CTNNA1: variants seen among roughly 807,000 people sequenced by gnomAD.
The protein encoded by CTNNA1 is catenin alpha-1.
Under a neutral mutation model 98.4 loss-of-function variants are expected in CTNNA1, and 37 were observed. The ratio of observed to expected loss-of-function variants is 0.38; its 90% CI spans 0.29 to 0.49. CTNNA1 has a LOEUF of 0.49. Among genes scored for constraint, CTNNA1 ranks in the 20% least tolerant of loss-of-function variants. CTNNA1 has a pLI of 0.95. For missense variants in CTNNA1, 761 were observed against 1,147.2 expected (o/e 0.66, Z 4.86); for synonymous variants, 404 against 413.2 (o/e 0.98, Z 0.27).
intron 9 of CTNNA1, among the ~76,000 whole-genome samples, chr5:138,896,574 C>A (rs985909612): frequency 6.6e-6 from 1 of 152,132 alleles, no homozygotes; most frequent in African/African-American, 2.4e-5. Flanking sequence ...TGTTGTTTAT[C>A]CTCAAGGCCA....
intron 3 of CTNNA1, among the ~76,000 whole-genome samples, chr5:138,796,439 G>T (rs985907759): frequency 6.6e-6 from 1 of 152,106 alleles, no homozygotes; most frequent in South Asian, 2.1e-4. Flanking sequence ...AGCTACTGGG[G>T]AGGCTAAGGC....
chr5:138,835,969 C>G (rs939436453), intron 7 of CTNNA1, among the ~76,000 whole-genome samples: 31 of 152,150 alleles, frequency 2.0e-4, no homozygotes, highest in African/African-American at 7.5e-4. Context: ...CTCCAGCCTC[C>G]CAAACATAAT....
intron 5 of CTNNA1, among the ~76,000 whole-genome samples, chr5:138,817,036 T>C (rs995607702): frequency 6.6e-6 from 1 of 152,210 alleles, no homozygotes; most frequent in Non-Finnish European, 1.5e-5. Flanking sequence ...TATTTGAGTT[T>C]TTGCTGTTGA....
intron 8 of CTNNA1, 98 bp downstream of exon 8, chr5:138,886,390 GAGAA>G: frequency 7.9e-7 from 1 of 1,266,422 alleles, no homozygotes. Context: ...TTTTTATTGA[GAGAA>G]AGGATGGATT....
chr5:138,885,090 C>A (rs1753749229), intron 7 of CTNNA1, among the ~76,000 whole-genome samples: 1 of 152,152 alleles, frequency 6.6e-6, no homozygotes, highest in Non-Finnish European at 1.5e-5. Context: ...CTCAATATTT[C>A]TAACAGTCCA....
intron 6 of CTNNA1, 26 bp downstream of exon 6, chr5:138,824,825 C>T (rs1760478954): frequency 1.9e-6 from 3 of 1,603,892 alleles, no homozygotes; most frequent in Non-Finnish European, 2.6e-6. Context: ...GTGGAAATTT[C>T]CAGCTCTTGA....
chr5:138,768,777 G>T (rs759185200), intron 1 of CTNNA1, among the ~76,000 whole-genome samples: 2 of 151,872 alleles, frequency 1.3e-5, no homozygotes. Context: ...CAGTGGGTCA[G>T]GTTGTTCCAC....
intron 7 of CTNNA1, among the ~76,000 whole-genome samples, chr5:138,853,943 C>G (rs1489761242): frequency 1.3e-5 from 2 of 152,150 alleles, no homozygotes; most frequent in African/African-American, 4.8e-5. Context: ...ATTCTTTTCA[C>G]ATAGACCATT....
chr5:138,812,137 C>T (rs767383317), intron 4 of CTNNA1, 46 bp from the exon 5 acceptor site: 1 of 1,579,504 alleles, frequency 6.3e-7, no homozygotes, highest in Non-Finnish European at 8.6e-7. Context: ...TCTTTACAGA[C>T]CTACATTCAG....
At chr5:138,855,640 G>T (rs1311709600) in intron 7 of CTNNA1, among the ~76,000 whole-genome samples, 1 of 152,152 alleles carries the variant, frequency 6.6e-6, no homozygotes, top group Admixed American at 6.5e-5. Flanking sequence ...AATTTTGTAC[G>T]GTGTTTGGTG....
At chr5:138,763,331 GC>G (rs1752573611) in intron 1 of CTNNA1, among the ~76,000 whole-genome samples, 1 of 152,168 alleles carries the variant, frequency 6.6e-6, no homozygotes, top group Non-Finnish European at 1.5e-5. Context: ...TCTGTTACAT[GC>G]ATTCTTTCTA....
chr5:138,896,359 G>A (rs1445675175), intron 9 of CTNNA1, among the ~76,000 whole-genome samples: 17 of 152,198 alleles, frequency 1.1e-4, no homozygotes. Flanking sequence ...ACTGTGCCCA[G>A]TTCTGGGTCC....
Position 138,934,344 on chromosome 5 carries a change from A to G in CTNNA1, c.*255A>G. 2.2e-6 allele frequency: 1 copy of G among 456,840 alleles called. No individual in the cohort carries two copies. Among genetic ancestry groups the G allele is most frequent in the Non-Finnish European group, 3.9e-6 (1 of 256,698 alleles). 28.3% of individuals were successfully genotyped at this position (456,840 alleles called of 1,614,324 possible). A position where few individuals can be genotyped will look rare whatever the true frequency, so the allele number is the denominator to read the frequency against. On this transcript the variant is annotated 3_prime_UTR_variant, in exon 18 of 18. Transcript: ENST00000302763. Reference sequence around the variant, plus strand: ...AAATAAAAATTCATAACCAAAGAGAATCCCACATTAGCTTGTTAGTAATGC... The same window carrying G: ...AAATAAAAATTCATAACCAAAGAGAGTCCCACATTAGCTTGTTAGTAATGC...
chr5:138,904,305 G>C (rs1466872114), intron 9 of CTNNA1, 44 bp from the exon 10 acceptor site: 1 of 1,580,758 alleles, frequency 6.3e-7, no homozygotes, highest in Non-Finnish European at 8.6e-7. Flanking sequence ...TTCCTTAGCA[G>C]TCAAAAGAGA....
intron 7 of CTNNA1, among the ~76,000 whole-genome samples, chr5:138,846,753 A>G (rs1762760769): frequency 6.6e-6 from 1 of 152,208 alleles, no homozygotes; most frequent in Non-Finnish European, 1.5e-5. Context: ...CTGAATTAAA[A>G]ATAGTTAAAA....
chr5:138,871,777 A>G (rs1031445397), intron 7 of CTNNA1: 1 of 152,166 alleles, frequency 6.6e-6, no homozygotes, highest in Non-Finnish European at 1.5e-5. Flanking sequence ...CTTCACCTAC[A>G]CTGAACTACA....
At chr5:138,848,111 G>A (rs1462244181) in intron 7 of CTNNA1, among the ~76,000 whole-genome samples, 2 of 152,206 alleles carry the variant, frequency 1.3e-5, no homozygotes, top group African/African-American at 4.8e-5. Flanking sequence ...CATATATGCT[G>A]TTGGCATAAA....
intron 10 of CTNNA1, among the ~76,000 whole-genome samples, chr5:138,912,344 T>C (rs1760834817): frequency 6.6e-6 from 1 of 152,084 alleles, no homozygotes; most frequent in Admixed American, 6.6e-5. Flanking sequence ...GAAGGCAGCA[T>C]AGGACTGAGC....
chr5:138,853,735 G>A (rs1284166574), intron 7 of CTNNA1, among the ~76,000 whole-genome samples: 2 of 152,230 alleles, frequency 1.3e-5, no homozygotes, highest in African/African-American at 4.8e-5. Flanking sequence ...AGATTAAAGA[G>A]TTTATGTGAG....
Sources: gnomAD v4.1 joint callset for allele counts (sites outside exome capture counted in the v4.1 genomes callset) on GRCh38, gnomAD v4.1.1 for gene constraint, MANE v1.5 for transcripts, NCBI Gene and HGNC (gene_info 2026-07-23, HGNC 2026-07-21) for gene names.